PAX5: variants seen among roughly 807,000 people sequenced by gnomAD.
PAX5 encodes the protein paired box protein Pax-5.
A neutral mutation model predicts 43.7 loss-of-function variants in PAX5; 9 were observed. That is an observed-to-expected ratio of 0.21 (90% CI 0.12 to 0.36). PAX5 has a LOEUF of 0.36. PAX5 is among the 10% of genes least tolerant of loss of function. The pLI is 1.00. For synonymous variants in PAX5, 228 were observed against 214.3 expected, an observed-to-expected ratio of 1.06 and a Z score of -0.56; for missense variants, 383 against 532.7, an observed-to-expected ratio of 0.72 and a Z score of 2.77.
rs138009049 is a variant in PAX5 at position 36,952,234 on chromosome 9, C to CTTTTTTTTTTTTT, written c.780+14302_780+14314dup. On this transcript the variant is annotated intron_variant, in intron 6 of 9. Transcript: ENST00000358127. ...TTTTTAATATGCTCTGACCATCTCCCTTTTTTTTTTTTTTTTTTTTTTTGA... is the reference window on the plus strand; with the variant it reads ...TTTTTAATATGCTCTGACCATCTCCCTTTTTTTTTTTTTTTTTTTTTTTTTTTTTTTTTTTTGA... Among the ~76,000 whole-genome samples the CTTTTTTTTTTTTT allele has an allele frequency of 2.3e-4, 15 of 66,626 alleles. 2 individuals are homozygous for CTTTTTTTTTTTTT. The highest frequency in any genetic ancestry group is 3.1e-4 in the African/African-American group (5 of 15,898). 43.7% of individuals were successfully genotyped at this position (66,626 alleles called of 152,430 possible).
chr9:36,853,947 G>A (rs1249905070), intron 8 of PAX5, among the ~76,000 whole-genome samples: 1 of 152,236 alleles, frequency 6.6e-6, no homozygotes, highest in African/African-American at 2.4e-5. Context: ...AGATGACGGG[G>A]ATTTGCAGAG....
chr9:36,901,668 G>C (rs1048385992), intron 7 of PAX5, among the ~76,000 whole-genome samples: 1 of 152,056 alleles, frequency 6.6e-6, no homozygotes, highest in African/African-American at 2.4e-5. Context: ...GGAGCCCAGC[G>C]CTGTCCGACC....
rs1821527167 is a variant in PAX5, at chr9:36,834,812, G to A, written c.*5748C>T. On this transcript the variant is annotated 3_prime_UTR_variant, in exon 10 of 10. Coordinates refer to ENST00000358127, the MANE Select transcript of PAX5 (RefSeq NM_016734.3). ...ACAGGCATGGTGATTTTGGGGACAA[G>A]GGCGACCAGCGGCCATAGCCACAGG... 3 of 175,796 alleles carry A rather than the reference G, an allele frequency of 1.7e-5. No individual in the cohort carries two copies. In the South Asian group the frequency reaches 6.8e-4, roughly 40 times the overall value. The allele number at this position is 175,796 out of a possible 1,614,324, so 10.9% of individuals were successfully genotyped here.
chr9:37,004,416 G>A (rs536340833), intron 4 of PAX5, among the ~76,000 whole-genome samples: 127 of 152,314 alleles, frequency 8.3e-4, no homozygotes, highest in Non-Finnish European at 1.2e-3. Context: ...ACCAGCTGGA[G>A]GCAGGTGGAG....
At chr9:36,874,138 T>G (rs1188364551) in intron 8 of PAX5, among the ~76,000 whole-genome samples, 1 of 152,116 alleles carries the variant, frequency 6.6e-6, no homozygotes, top group Non-Finnish European at 1.5e-5. Context: ...ACCCTTCCTA[T>G]CTCACACAGG....
At chr9:36,920,185 A>G (rs1830052927) in intron 7 of PAX5, among the ~76,000 whole-genome samples, 1 of 152,252 alleles carries the variant, frequency 6.6e-6, no homozygotes, top group Non-Finnish European at 1.5e-5. Context: ...AAATGCCAAC[A>G]AAGGATTTAG....
intron 1 of PAX5, among the ~76,000 whole-genome samples, chr9:37,032,231 C>A (rs1186208044): frequency 1.3e-5 from 2 of 152,098 alleles, no homozygotes; most frequent in African/African-American, 4.8e-5. Context: ...ATTATTCAGG[C>A]AATTGAACTA....
intron 5 of PAX5, among the ~76,000 whole-genome samples, chr9:36,994,629 C>A (rs1171511546): frequency 6.6e-6 from 1 of 152,214 alleles, no homozygotes; most frequent in Admixed American, 6.5e-5. Flanking sequence ...AGCTCAAAGA[C>A]CTTCAGGCCA....
At chr9:36,867,370 T>A (rs1457513694) in intron 8 of PAX5, among the ~76,000 whole-genome samples, 1 of 152,234 alleles carries the variant, frequency 6.6e-6, no homozygotes, top group African/African-American at 2.4e-5. Flanking sequence ...ACAGTGTTTC[T>A]AAGAGTCACA....
intron 6 of PAX5, among the ~76,000 whole-genome samples, chr9:36,946,821 G>T (rs1832560846): frequency 6.6e-6 from 1 of 152,156 alleles, no homozygotes; most frequent in African/African-American, 2.4e-5. Flanking sequence ...AGCAGGCAGG[G>T]CCCAACCAAC....
At chr9:37,001,222 C>T (rs746802195) in intron 5 of PAX5, among the ~76,000 whole-genome samples, 2 of 152,244 alleles carry the variant, frequency 1.3e-5, no homozygotes, top group Non-Finnish European at 2.9e-5. Context: ...AGGCCAGAAC[C>T]TGTCTGTTTG....
At chr9:36,909,379 T>G (rs748100473) in intron 7 of PAX5, among the ~76,000 whole-genome samples, 26 of 152,164 alleles carry the variant, frequency 1.7e-4, no homozygotes, top group Non-Finnish European at 3.5e-4. Context: ...TCTTGAGAAC[T>G]TTGCACTCGC....
chr9:36,860,415 C>A lies in PAX5; in HGVS notation c.1013-13486G>T, dbSNP rs568165224. On this transcript the variant is annotated intron_variant, in intron 8 of 9. Transcript: ENST00000358127. ...ATCTCATACTAGTTCACAGGGAGCT[C>A]GGAGTAAGCGGGGGGAGGCAGATGG... 6.2e-4 allele frequency among the ~76,000 whole-genome samples: 94 copies of A among 152,218 alleles called. No homozygotes were observed. In the South Asian group the frequency reaches 0.019, roughly 31 times the overall value.
At chr9:36,962,492 G>A (rs937696715) in intron 6 of PAX5, among the ~76,000 whole-genome samples, 2 of 152,202 alleles carry the variant, frequency 1.3e-5, no homozygotes, top group African/African-American at 4.8e-5. Context: ...TTGCCTCGGG[G>A]GTCCAATGAG....
At position 36,863,834 on chromosome 9, in the gene PAX5, G is replaced by A. The variant is rs541601957; in HGVS notation, c.1013-16905C>T. ...ATATAGAAGTGCACAGTAGGGGCCG[G>A]GCGCAGTGGCTCACGCCTCCAATCC... On this transcript the variant is annotated intron_variant, in intron 8 of 9. Coordinates refer to ENST00000358127, the MANE Select transcript of PAX5 (RefSeq NM_016734.3). Among the ~76,000 whole-genome samples, 18 of 152,322 alleles carry A rather than the reference G, an allele frequency of 1.2e-4. No individual in the cohort carries two copies. In the South Asian group the frequency reaches 3.7e-3, roughly 32 times the overall value.
chr9:36,948,533 A>T (rs1832741982), intron 6 of PAX5, among the ~76,000 whole-genome samples: 1 of 152,052 alleles, frequency 6.6e-6, no homozygotes, highest in African/African-American at 2.4e-5. Context: ...TAGTACAAAG[A>T]TTTCTTAGCT....
chr9:37,028,746 C>A (rs759252358), intron 1 of PAX5, among the ~76,000 whole-genome samples: 13 of 152,256 alleles, frequency 8.5e-5, no homozygotes, highest in Admixed American at 2.0e-4. Flanking sequence ...AAGGGTCAAG[C>A]AAAGCGGCCA....
chr9:36,872,608 G>A (rs1273492578), intron 8 of PAX5, among the ~76,000 whole-genome samples: 1 of 152,294 alleles, frequency 6.6e-6, no homozygotes, highest in East Asian at 1.9e-4. Context: ...CCATCTCTGA[G>A]GCTTTTGTAA....
At chr9:36,889,951 G>GC (rs1202294101) in intron 7 of PAX5, among the ~76,000 whole-genome samples, 15 of 139,226 alleles carry the variant, frequency 1.1e-4, no homozygotes, top group African/African-American at 3.9e-4. Flanking sequence ...CGGGGGGGGG[G>GC]GGAATGTGAA....
Sources: gnomAD v4.1 joint callset for allele counts (sites outside exome capture counted in the v4.1 genomes callset) on GRCh38, gnomAD v4.1.1 for gene constraint, MANE v1.5 for transcripts, NCBI Gene and HGNC (gene_info 2026-07-23, HGNC 2026-07-21) for gene names.